MAMDC4: variants seen among roughly 807,000 people sequenced by gnomAD.
MAMDC4 encodes MAM domain containing 4, also known as apical endosomal glycoprotein.
MAMDC4 carries 168 observed loss-of-function variants against 153.3 expected under a neutral mutation model. The ratio of observed to expected loss-of-function variants is 1.10; its 90% confidence interval spans 0.97 to 1.25. MAMDC4 has a LOEUF of 1.25. MAMDC4 is among the 50% of genes most tolerant of loss of function. The pLI is 0.00. For synonymous variants in MAMDC4, 744 were observed against 651.5 expected (o/e 1.14, Z -2.16); for missense variants, 1,701 against 1,542.8 (o/e 1.10, Z -1.72).
Position 136,860,057 on chromosome 9 carries a change from T to TCAATGCGG in MAMDC4, c.3366_3372+1dup. The TCAATGCGG allele has an allele frequency of 6.3e-7, 1 of 1,578,670 alleles. No individual in the cohort carries two copies. Reference sequence around the variant, plus strand: ...GCCCCTGGCTTTGACAACATCCTTTTCAATGCGGTAGGAGCCCCTGGGGAT... The same window carrying TCAATGCGG: ...GCCCCTGGCTTTGACAACATCCTTTTCAATGCGGCAATGCGGTAGGAGCCCCTGGGGAT... On this transcript the variant is annotated frameshift_variant, in exon 26 of 27. Coordinates refer to ENST00000317446, the MANE Select transcript of MAMDC4 (RefSeq NM_206920.3). LOFTEE classifies it high-confidence loss of function.
chr9:136,854,971 C>G lies in MAMDC4; in HGVS notation c.1058C>G (p.Ala353Gly). Residue 353 changes from alanine to glycine, a missense_variant, in exon 10 of 27, where the codon GCT becomes GGT. Ala to Gly is a moderately conservative substitution (Grantham distance 60, BLOSUM62 0). Coordinates refer to ENST00000317446, the MANE Select transcript of MAMDC4 (RefSeq NM_206920.3). ...VFYQYLSGSE[A>G]GCLQLFLQTL... is the part of the protein sequence containing the mutation. ...TATCAGTACCTGAGTGGGTCTGAGG[C>G]TGGCTGCCTCCAGCTGTTCCTGCAG... 2.5e-6 allele frequency: 4 copies of G among 1,607,348 alleles called. No homozygotes were observed. Among genetic ancestry groups the G allele is most frequent in the Non-Finnish European group, 3.4e-6 (4 of 1,177,584 alleles).
Position 136,853,362 on chromosome 9 carries a change from A to G in MAMDC4, c.232A>G (p.Ile78Val), listed in dbSNP as rs902960282. The G allele has an allele frequency of 5.0e-6, 8 of 1,607,350 alleles. No individual in the cohort carries two copies. Among genetic ancestry groups the G allele is most frequent in the Non-Finnish European group, 6.8e-6 (8 of 1,175,846 alleles). ...FEQDPCGWRD[I>V]STSGYSWLRD... ...GCAGGACCCCTGCGGCTGGCGGGAC[A>G]TTAGTACCTCAGGCTACAGCTGGCT... is the stretch of plus-strand genomic sequence containing the variant. The change falls in exon 3 of 27, where the codon ATT becomes GTT. Residue 78 changes from isoleucine (I) to valine (V), a missense_variant. Physicochemically the swap from Ile to Val is conservative, Grantham distance 29. Coordinates refer to ENST00000317446, the MANE Select transcript of MAMDC4 (RefSeq NM_206920.3).
chr9:136,854,461 G>A, intron 7 of MAMDC4, 78 bp from the exon 8 acceptor site: 1 of 1,528,674 alleles, frequency 6.5e-7, no homozygotes, highest in Non-Finnish European at 8.8e-7. Flanking sequence ...GTGGTTGCCA[G>A]GGCCCCCCTG....
chr9:136,860,671 C>T lies in MAMDC4; in HGVS notation c.*68C>T, dbSNP rs377135287. 296 of 1,567,280 alleles carry T rather than the reference C, an allele frequency of 1.9e-4. 1 individual carries two copies. Among genetic ancestry groups the T allele is most frequent in the South Asian group, 6.0e-4 (54 of 89,866 alleles). On this transcript the variant is annotated 3_prime_UTR_variant, in exon 27 of 27. Transcript: ENST00000317446. Reference sequence around the variant, plus strand: ...ACTTGGTCAGACCCTAGCCAGGGACCGGACACCTGCCCCGCCCAGGCTGGG... The same window carrying T: ...ACTTGGTCAGACCCTAGCCAGGGACTGGACACCTGCCCCGCCCAGGCTGGG...
intron 4 of MAMDC4, 41 bp downstream of exon 4, chr9:136,853,711 G>T: frequency 6.2e-7 from 1 of 1,604,088 alleles, no homozygotes; most frequent in South Asian, 1.1e-5. Context: ...GGTGCCCAAG[G>T]GGAGGGCGGG....
chr9:136,859,155 A>G, intron 24 of MAMDC4, 23 bp downstream of exon 24: 1 of 1,584,820 alleles, frequency 6.3e-7, no homozygotes, highest in Non-Finnish European at 8.6e-7. Flanking sequence ...GTGGGCAAGG[A>G]GCCTCCTCCT....
At chr9:136,857,950 C>G (rs537229902) in intron 19 of MAMDC4, 29 bp from the exon 20 acceptor site, 1 of 1,487,164 alleles carries the variant, frequency 6.7e-7, no homozygotes, top group Non-Finnish European at 8.9e-7. Context: ...TCTCCCCACA[C>G]TGCTGACCTG....
rs1564387830 is a variant in MAMDC4 at position 136,857,288 on chromosome 9, C to A, written c.2096C>A (p.Ala699Asp). 1 of 1,602,978 alleles carries A rather than the reference C, an allele frequency of 6.2e-7. No homozygotes were observed. Among genetic ancestry groups the A allele is most frequent in the Admixed American group, 1.7e-5 (1 of 58,444 alleles). ...CTTTCCCACCAGCCTGGCTCCCATG[C>A]CCAGTACCAGGTGAGGCCTGGCACC... Reference protein sequence around the residue: ...ATLSHQPGSHAQYQLLFEGLR... With the variant: ...ATLSHQPGSHDQYQLLFEGLR... The change falls in exon 17 of 27, where the codon GCC becomes GAC. Residue 699 changes from alanine (A) to aspartate (D), a missense_variant. Coordinates refer to ENST00000317446, the MANE Select transcript of MAMDC4 (RefSeq NM_206920.3).
intron 26 of MAMDC4, among the ~76,000 whole-genome samples, chr9:136,860,328 T>A (rs1849069467): frequency 6.6e-6 from 1 of 152,208 alleles, no homozygotes; most frequent in Admixed American, 6.5e-5. Flanking sequence ...GAGACCAGCC[T>A]GCCCAACATG....
At position 136,858,208 on chromosome 9, in the gene MAMDC4, C is replaced by A; in HGVS notation, c.2606C>A (p.Ala869Glu). 1.3e-6 allele frequency: 2 copies of A among 1,596,640 alleles called. No homozygotes were observed. The highest frequency in any genetic ancestry group is 1.1e-5 in the South Asian group (1 of 89,782). ...CAGGTGGTGTTTGAGGCAGTGGCCGCAGGCGTGGCACACTCCTACGTGGCT... is the reference window on the plus strand; with the variant it reads ...CAGGTGGTGTTTGAGGCAGTGGCCGAAGGCGTGGCACACTCCTACGTGGCT... ...AWRVVFEAVA[A>E]GVAHSYVALD... The change falls in exon 21 of 27, where the codon GCA becomes GAA. Residue 869 changes from alanine to glutamate, a missense_variant. Physicochemically the swap from Ala to Glu is moderately radical, Grantham distance 107 (BLOSUM62 -1). Coordinates refer to ENST00000317446, the MANE Select transcript of MAMDC4 (RefSeq NM_206920.3).
rs767635611 is a variant in MAMDC4 at position 136,857,141 on chromosome 9, T to C, written c.1973-24T>C. Reference sequence around the variant, plus strand: ...ATCAAGGCACAGGAGAGAGGTCAGTTATGGACTGGTCCCCTCCCTGCAGGG... The same window carrying C: ...ATCAAGGCACAGGAGAGAGGTCAGTCATGGACTGGTCCCCTCCCTGCAGGG... On this transcript the variant is annotated intron_variant, in intron 16 of 26. Transcript: ENST00000317446. 1.9e-6 allele frequency: 3 copies of C among 1,612,024 alleles called. No individual in the cohort carries two copies. The South Asian group carries it at 3.3e-5, about 18-fold the overall frequency.
rs145154902 is a variant in MAMDC4, at chr9:136,854,587, G to A, written c.845G>A (p.Arg282His). ...DFETGLGPWNRSEGWSRNHRA... is the reference protein window; with the variant it reads ...DFETGLGPWNHSEGWSRNHRA... ...GAGACAGGCCTGGGCCCATGGAACC[G>A]CTCGGAAGGCTGGTCCCGGAACCAC... The change falls in exon 8 of 27, where the codon CGC (arginine) becomes CAC (histidine). Residue 282 changes from arginine (R) to histidine (H), a missense_variant. Coordinates refer to ENST00000317446, the MANE Select transcript of MAMDC4 (RefSeq NM_206920.3). 70 of 1,607,238 alleles carry A rather than the reference G, an allele frequency of 4.4e-5. No homozygotes were observed. In the African/African-American group the frequency reaches 7.9e-4, roughly 18 times the overall value.
rs564039894 is a variant in MAMDC4 at position 136,858,083 on chromosome 9, G to C, written c.2569G>C (p.Glu857Gln). The change falls in exon 20 of 27, where the codon GAG (glutamate) becomes CAG (glutamine). Residue 857 changes from glutamate (E) to glutamine (Q), a missense_variant. Transcript: ENST00000317446. The stretch of plus-strand genomic sequence containing the variant: ...CCTGGGCAGCATGGACGTGCAGGCC[G>C]AGCGAGCCTGGAGGGTGAGTGCAGG... ...WRLGSMDVQAERAWRVVFEAV... is the reference protein window; with the variant it reads ...WRLGSMDVQAQRAWRVVFEAV... 7.8e-6 allele frequency: 12 copies of C among 1,532,010 alleles called. No individual in the cohort carries two copies. Among genetic ancestry groups the C allele is most frequent in the Non-Finnish European group, 1.1e-5 (12 of 1,141,140 alleles). The allele number at this position is 1,532,010 out of a possible 1,614,324, so 94.9% of individuals were successfully genotyped here.
chr9:136,859,737 T>C (rs1245356541), intron 25 of MAMDC4, 149 bp from the exon 26 acceptor site: 9 of 757,974 alleles, frequency 1.2e-5, no homozygotes, highest in African/African-American at 1.8e-5. Flanking sequence ...CCCATCCTTG[T>C]GGTAGCAGAA....
rs769057784 is a variant in MAMDC4, at chr9:136,859,987, CAGA to C, written c.3301_3303del (p.Lys1101del). ...GGGACTTGGGGGACGGCGCTGGCTG[CAGA>C]AGAAGGGGAGCTGCCCCTTCCAGAG... On this transcript the variant is annotated inframe_deletion, in exon 26 of 27. Transcript: ENST00000317446. 75 of 1,612,482 alleles carry C rather than the reference CAGA, an allele frequency of 4.7e-5. No individual in the cohort carries two copies. The highest frequency in any genetic ancestry group is 6.7e-5 in the Admixed American group (4 of 59,908).
chr9:136,853,849 G>A lies in MAMDC4; in HGVS notation c.527G>A (p.Trp176Ter). Residue 176 changes from tryptophan to a stop codon, truncating the protein, a stop_gained, in exon 5 of 27, where the codon TGG becomes TAG. Transcript: ENST00000317446. LOFTEE classifies it high-confidence loss of function. ...ACCCTGTGGCAGAGCACAGGGCCCT[G>A]GGGCCCTGGCTGGCAGGAGTTGGCA... ...TLTLWQSTGP[W>*]GPGWQELAVT... 1 of 1,612,272 alleles carries A rather than the reference G, an allele frequency of 6.2e-7. No individual in the cohort carries two copies. The highest frequency in any genetic ancestry group is 8.5e-7 in the Non-Finnish European group (1 of 1,179,644).
At position 136,855,497 on chromosome 9, in the gene MAMDC4, G is replaced by A. The variant is rs751537705; in HGVS notation, c.1349G>A (p.Ser450Asn). 1.6e-5 allele frequency: 25 copies of A among 1,597,074 alleles called. No homozygotes were observed. The highest frequency in any genetic ancestry group is 2.2e-5 in the South Asian group (2 of 89,124). ...RAPAPQPLPP[S>N]SRLQDSCKQG... The stretch of plus-strand genomic sequence containing the variant: ...CCAGCCCCCCAGCCCCTGCCGCCCA[G>A]CTCGCGGCTCCAGGATTCCTGCAAG... Residue 450 changes from serine (S) to asparagine (N), a missense_variant, in exon 12 of 27, where the codon AGC becomes AAC. By Grantham distance (46) the Ser-to-Asn change is conservative (BLOSUM62 1). Coordinates refer to ENST00000317446, the MANE Select transcript of MAMDC4 (RefSeq NM_206920.3).
Position 136,858,501 on chromosome 9 carries a change from C to T in MAMDC4, c.2776C>T (p.Arg926Cys), listed in dbSNP as rs751598417. The change falls in exon 22 of 27, where the codon CGT becomes TGT. Residue 926 changes from arginine to cysteine, a missense_variant. Coordinates refer to ENST00000317446, the MANE Select transcript of MAMDC4 (RefSeq NM_206920.3). ...WDWGGGATPS[R>C]YPQPPVDHTL... Reference sequence around the variant, plus strand: ...CTGGGGCGGGGGAGCCACCCCCTCTCGTTACCCCCAGCCCCCTGTGGACCA... The same window carrying T: ...CTGGGGCGGGGGAGCCACCCCCTCTTGTTACCCCCAGCCCCCTGTGGACCA... The T allele has an allele frequency of 8.7e-6, 14 of 1,605,812 alleles. No individual in the cohort carries two copies. The Admixed American group carries it at 1.0e-4, about 12-fold the overall frequency.
intron 6 of MAMDC4, 61 bp downstream of exon 6, chr9:136,854,137 C>T: frequency 1.9e-6 from 3 of 1,610,492 alleles, no homozygotes; most frequent in South Asian, 2.2e-5. Flanking sequence ...CACTCCCCTG[C>T]TCAGACCCTG....
Sources: gnomAD v4.1 joint callset for allele counts (sites outside exome capture counted in the v4.1 genomes callset) on GRCh38, gnomAD v4.1.1 for gene constraint, MANE v1.5 for transcripts, NCBI Gene and HGNC (gene_info 2026-07-23, HGNC 2026-07-21) for gene names.